ADGB: variants seen among roughly 807,000 people sequenced by gnomAD.
ADGB encodes the protein androglobin.
A neutral mutation model predicts 210.5 loss-of-function variants in ADGB; 172 were observed. The ratio of observed to expected loss-of-function variants is 0.82; its 90% CI spans 0.72 to 0.93. ADGB has a LOEUF of 0.93. Ranked by LOEUF, ADGB falls within the 40% of genes least tolerant of loss-of-function variation. The pLI is 0.00. For missense variants in ADGB, 2,025 were observed against 1,964.8 expected (o/e 1.03, Z -0.58); for synonymous variants, 658 against 662.7 (o/e 0.99, Z 0.11).
chr6:146,734,061 C>G, intron 22 of ADGB, 31 bp downstream of exon 22: 1 of 1,541,408 alleles, frequency 6.5e-7, no homozygotes. Context: ...ATAAAATGAA[C>G]TTGTTTGTAT....
intron 27 of ADGB, among the ~76,000 whole-genome samples, chr6:146,755,424 C>T (rs552306069): frequency 1.5e-4 from 23 of 152,146 alleles, no homozygotes; most frequent in African/African-American, 5.5e-4. Flanking sequence ...ATGCTATTTT[C>T]GGGATAGTAA....
chr6:146,652,913 G>C (rs558871939), intron 3 of ADGB, among the ~76,000 whole-genome samples: 26 of 152,126 alleles, frequency 1.7e-4, no homozygotes, highest in Non-Finnish European at 3.2e-4. Flanking sequence ...CCCAACCCTG[G>C]TCCATGGACC....
At chr6:146,750,513 C>T (rs1276519850) in intron 26 of ADGB, among the ~76,000 whole-genome samples, 6 of 152,060 alleles carry the variant, frequency 3.9e-5, no homozygotes, top group Non-Finnish European at 8.8e-5. Context: ...GTCATGATTG[C>T]ACCACTGCAC....
Position 146,685,795 on chromosome 6 carries a change from G to T in ADGB, c.1278G>T (p.Leu426Phe). The change falls in exon 10 of 36, where the codon TTG becomes TTT. Residue 426 changes from leucine (L) to phenylalanine (F), a missense_variant. Leu to Phe is a conservative substitution (Grantham distance 22). Transcript: ENST00000397944. ...ATGCGACATTTACACCTCTTTATTT[G>T]TTTGAAAACAAGATCTTTTCATTAG... The part of the protein sequence containing the change: ...VVYATFTPLY[L>F]FENKIFSLEK... The T allele has an allele frequency of 6.5e-7, 1 of 1,539,316 alleles. No homozygotes were observed. Among genetic ancestry groups the T allele is most frequent in the East Asian group, 2.5e-5 (1 of 40,032 alleles).
intron 35 of ADGB, chr6:146,802,570 C>T: frequency 2.1e-6 from 1 of 484,986 alleles, no homozygotes; most frequent in Non-Finnish European, 3.7e-6. Flanking sequence ...ACATAGTGCA[C>T]TTTCACCTCA....
intron 20 of ADGB, among the ~76,000 whole-genome samples, chr6:146,730,157 A>G (rs1776958369): frequency 6.6e-6 from 1 of 152,168 alleles, no homozygotes; most frequent in Non-Finnish European, 1.5e-5. Context: ...TTATAAAATT[A>G]CTTATATAAA....
chr6:146,807,542 C>T, intron 35 of ADGB: 1 of 1,550,492 alleles, frequency 6.4e-7, no homozygotes, highest in Non-Finnish European at 8.7e-7. Flanking sequence ...AAAAGATGAC[C>T]CCAGCTCCTG....
At chr6:146,624,511 G>A (rs1041723401) in intron 1 of ADGB, among the ~76,000 whole-genome samples, 2 of 151,686 alleles carry the variant, frequency 1.3e-5, no homozygotes, top group Non-Finnish European at 3.0e-5. Flanking sequence ...TGTGGTCTTT[G>A]ATCTGCTCTA....
chr6:146,687,151 A>G (rs1776244145), intron 10 of ADGB, among the ~76,000 whole-genome samples: 2 of 152,158 alleles, frequency 1.3e-5, no homozygotes, highest in Admixed American at 1.3e-4. Flanking sequence ...CCAAAGTTAG[A>G]AAACATTAGC....
Position 146,599,064 on chromosome 6 carries a change from G to GA in ADGB, c.27dup (p.Glu10ArgfsTer13). 6.4e-7 allele frequency: 1 copy of GA among 1,551,708 alleles called. No homozygotes were observed. The highest frequency in any genetic ancestry group is 1.4e-5 in the African/African-American group (1 of 73,176). ...CCATGGCCTCCAAACAAACCAAAAA[G>GA]AAAGAGGTGCATCGTATCAACTCGG... On this transcript the variant is annotated frameshift_variant, in exon 1 of 36. Coordinates refer to ENST00000397944, the MANE Select transcript of ADGB (RefSeq NM_024694.4). LOFTEE classifies it high-confidence loss of function.
At chr6:146,797,320 C>A (rs1174932866) in intron 33 of ADGB, among the ~76,000 whole-genome samples, 3 of 152,154 alleles carry the variant, frequency 2.0e-5, no homozygotes, top group East Asian at 1.9e-4. Flanking sequence ...GTAGAACTAC[C>A]ATTTGATCCA....
At chr6:146,646,034 A>G (rs1344790268) in intron 3 of ADGB, among the ~76,000 whole-genome samples, 1 of 152,124 alleles carries the variant, frequency 6.6e-6, no homozygotes, top group Non-Finnish European at 1.5e-5. Context: ...ATATAAGTAC[A>G]TAGCTTACAT....
intron 1 of ADGB, among the ~76,000 whole-genome samples, chr6:146,606,665 C>T (rs1780632471): frequency 6.6e-6 from 1 of 152,172 alleles, no homozygotes; most frequent in Admixed American, 6.5e-5. Context: ...AAAGTCCTTT[C>T]CACATTGCTT....
intron 29 of ADGB, among the ~76,000 whole-genome samples, chr6:146,772,412 T>C (rs1225355576): frequency 8.5e-6 from 1 of 117,820 alleles, no homozygotes; most frequent in African/African-American, 2.7e-5. Context: ...TAAATATATA[T>C]ATTATATTTA....
At chr6:146,609,659 G>C (rs929902043) in intron 1 of ADGB, among the ~76,000 whole-genome samples, 1 of 152,124 alleles carries the variant, frequency 6.6e-6, no homozygotes, top group Non-Finnish European at 1.5e-5. Context: ...AATTCCCTTA[G>C]CATATGCTTG....
At chr6:146,691,491 TATATATATA>T (rs1395724052) in intron 11 of ADGB, among the ~76,000 whole-genome samples, 1 of 17,198 alleles carries the variant, frequency 5.8e-5, no homozygotes, top group African/African-American at 3.7e-4. Flanking sequence ...TATATATATA[TATATATATA>T]TTTTTTTTTT....
intron 18 of ADGB, 126 bp downstream of exon 18, chr6:146,724,453 G>T: frequency 1.1e-6 from 1 of 922,458 alleles, no homozygotes; most frequent in Non-Finnish European, 1.5e-6. Context: ...TCAAGGCATA[G>T]GTCCATGATT....
At chr6:146,779,455 C>T (rs762553066) in intron 29 of ADGB, among the ~76,000 whole-genome samples, 1 of 152,184 alleles carries the variant, frequency 6.6e-6, no homozygotes, top group Non-Finnish European at 1.5e-5. Flanking sequence ...GAAACATTAA[C>T]TGGCACATTC....
At chr6:146,728,147 A>G (rs117305260) in intron 19 of ADGB, among the ~76,000 whole-genome samples, 1,536 of 152,024 alleles carry the variant, frequency 0.01, 11 homozygotes, top group Middle Eastern at 0.044. Context: ...TTGCTTTATG[A>G]TTTTTTTTAA....
Sources: allele counts gnomAD v4.1 joint callset (sites outside exome capture counted in the v4.1 genomes callset), GRCh38; gene constraint gnomAD v4.1.1; transcripts MANE v1.5; gene names NCBI Gene and HGNC (gene_info 2026-07-23, HGNC 2026-07-21).